Variants in NPSR1 observed in about 807,000 individuals in gnomAD.
NPSR1 encodes neuropeptide S receptor 1.
A neutral mutation model predicts 46.9 loss-of-function variants in NPSR1; 48 were observed. That is an observed-to-expected ratio of 1.02 (90% CI 0.81 to 1.30). The LOEUF is 1.30. NPSR1 is among the 50% of genes most tolerant of loss of function. The probability of loss-of-function intolerance (pLI) is 0.00; values close to 1 mark genes in which losing one functional copy is unlikely to be tolerated. For missense variants in NPSR1, 450 were observed against 449.5 expected, an observed-to-expected ratio of 1.00 and a Z score of -0.01; for synonymous variants, 176 against 168.1, an observed-to-expected ratio of 1.05 and a Z score of -0.36.
In NPSR1 at chr7:34,787,340, G is replaced by A. The variant is rs1787511378; in HGVS notation, c.384+8775G>A. On this transcript the variant is annotated intron_variant, in intron 3 of 8. Transcript: ENST00000360581. ...CTCAGCCTTCATAGAGGTGAAGAGA[G>A]TTTAAGAACTTGTTCTGGATTAGGC... Among the ~76,000 whole-genome samples the A allele has an allele frequency of 2.6e-5, 4 of 152,094 alleles. No homozygotes were observed. In the South Asian group the frequency reaches 8.3e-4, roughly 31 times the overall value.
At chr7:34,773,219 G>T (rs756092581) in intron 2 of NPSR1, among the ~76,000 whole-genome samples, 1 of 152,128 alleles carries the variant, frequency 6.6e-6, no homozygotes, top group East Asian at 1.9e-4. Flanking sequence ...GCACTTTAAA[G>T]GATGGGACCC....
In NPSR1 at chr7:34,663,067, C is replaced by CTCTCTCTCTGTGTGTGTGTG. The variant is rs35826710; in HGVS notation, c.147+4509_147+4510insCTCTCTCTGTGTGTGTGTGT. On this transcript the variant is annotated intron_variant, in intron 1 of 8. Transcript: ENST00000360581. Reference sequence around the variant, plus strand: ...TCTCTCTCTCTCTCTCTCTCTCTCTCTGTGTGTGTGTGTGTATGTGTGTGT... The same window carrying CTCTCTCTCTGTGTGTGTGTG: ...TCTCTCTCTCTCTCTCTCTCTCTCTCTCTCTCTCTGTGTGTGTGTGTGTGTGTGTGTGTGTATGTGTGTGT... 1.6e-3 allele frequency among the ~76,000 whole-genome samples: 164 copies of CTCTCTCTCTGTGTGTGTGTG among 99,412 alleles called. 1 individual carries two copies. Among genetic ancestry groups the CTCTCTCTCTGTGTGTGTGTG allele is most frequent in the African/African-American group, 5.0e-3 (89 of 17,642 alleles). The allele number at this position is 99,412 out of a possible 152,430, so 65.2% of individuals were successfully genotyped here.
At chr7:34,815,606 ACATGTAGT>A (rs1201976533) in intron 4 of NPSR1, among the ~76,000 whole-genome samples, 2 of 151,998 alleles carry the variant, frequency 1.3e-5, no homozygotes, top group Non-Finnish European at 2.9e-5. Flanking sequence ...CAACCCCAAG[ACATGTAGT>A]CAGATTCACC....
chr7:34,799,146 T>A (rs1237153391), intron 3 of NPSR1, among the ~76,000 whole-genome samples: 3 of 152,166 alleles, frequency 2.0e-5, no homozygotes, highest in Non-Finnish European at 4.4e-5. Flanking sequence ...TTAAATTTTC[T>A]CTGCAGAGTA....
chr7:34,790,769 A>T lies in NPSR1; in HGVS notation c.384+12204A>T, dbSNP rs183695535. On this transcript the variant is annotated intron_variant, in intron 3 of 8. Transcript: ENST00000360581. ...ATAATATATGTTATATGTTATATATAATATATGTTATATGTTATATATATG... is the reference window on the plus strand; with the variant it reads ...ATAATATATGTTATATGTTATATATTATATATGTTATATGTTATATATATG... 4.8e-3 allele frequency among the ~76,000 whole-genome samples: 575 copies of T among 118,958 alleles called. 27 individuals carry two copies. The highest frequency in any genetic ancestry group is 0.022 in the Middle Eastern group (4 of 184). 78.0% of individuals were successfully genotyped at this position (118,958 alleles called of 152,430 possible).
chr7:34,788,159 G>A (rs1787549436), intron 3 of NPSR1, among the ~76,000 whole-genome samples: 1 of 151,046 alleles, frequency 6.6e-6, no homozygotes, highest in Non-Finnish European at 1.5e-5. Context: ...TAAAAGTGTA[G>A]AGTTTTTGTG....
intron 2 of NPSR1, among the ~76,000 whole-genome samples, chr7:34,720,153 G>A (rs1033213781): frequency 3.3e-5 from 5 of 151,938 alleles, no homozygotes; most frequent in African/African-American, 7.3e-5. Flanking sequence ...AGTGGTGCAC[G>A]CCTGTAGTCC....
intron 5 of NPSR1, 79 bp downstream of exon 5, chr7:34,827,681 TC>T: frequency 1.1e-6 from 1 of 909,752 alleles, no homozygotes; most frequent in Non-Finnish European, 1.7e-6. Flanking sequence ...GTTGCTCTCC[TC>T]CCCAACAGAC....
At chr7:34,834,308 T>C in intron 5 of NPSR1, 76 bp from the exon 6 acceptor site, 2 of 1,039,862 alleles carry the variant, frequency 1.9e-6, no homozygotes, top group South Asian at 2.6e-5. Flanking sequence ...CTCGGGGAGG[T>C]GGGAGTGGTC....
intron 2 of NPSR1, among the ~76,000 whole-genome samples, chr7:34,703,431 G>C (rs940510484): frequency 2.0e-5 from 3 of 151,576 alleles, no homozygotes; most frequent in Admixed American, 6.6e-5. Context: ...ACTTTAGCCA[G>C]CGCATCAGAG....
At chr7:34,741,627 C>G (rs993521025) in intron 2 of NPSR1, among the ~76,000 whole-genome samples, 2 of 152,114 alleles carry the variant, frequency 1.3e-5, no homozygotes, top group African/African-American at 4.8e-5. Flanking sequence ...CTTCAGGGAC[C>G]CTGGGAATAT....
chr7:34,674,428 G>C (rs1792210739), intron 1 of NPSR1, among the ~76,000 whole-genome samples: 1 of 152,132 alleles, frequency 6.6e-6, no homozygotes, highest in Non-Finnish European at 1.5e-5. Flanking sequence ...CTTTGCACTT[G>C]ATATTGCCAA....
intron 1 of NPSR1, among the ~76,000 whole-genome samples, chr7:34,667,019 C>G (rs1209561589): frequency 2.0e-5 from 3 of 152,122 alleles, no homozygotes; most frequent in Non-Finnish European, 4.4e-5. Context: ...ATACTAAAAC[C>G]ATTCTGAAAA....
chr7:34,814,095 C>T (rs554499885), intron 4 of NPSR1, among the ~76,000 whole-genome samples: 16 of 152,344 alleles, frequency 1.1e-4, no homozygotes, highest in Middle Eastern at 3.4e-3. Context: ...TGAGCCAAAG[C>T]AGGGCAGGGC....
intron 2 of NPSR1, among the ~76,000 whole-genome samples, chr7:34,760,406 T>C (rs1451064285): frequency 1.3e-5 from 2 of 152,176 alleles, no homozygotes; most frequent in Admixed American, 6.5e-5. Flanking sequence ...GGCATTCTTA[T>C]TACAATTTTA....
chr7:34,829,890 G>A (rs1050776090), intron 5 of NPSR1, among the ~76,000 whole-genome samples: 10 of 152,192 alleles, frequency 6.6e-5, no homozygotes, highest in East Asian at 5.8e-4. Flanking sequence ...CTTCCAGCCC[G>A]TGACGGTCAT....
At chr7:34,818,867 T>C (rs1789395936) in intron 4 of NPSR1, among the ~76,000 whole-genome samples, 1 of 152,224 alleles carries the variant, frequency 6.6e-6, no homozygotes, top group Non-Finnish European at 1.5e-5. Flanking sequence ...GCTAGCCATA[T>C]GGAGAAAGCT....
intron 2 of NPSR1, among the ~76,000 whole-genome samples, chr7:34,716,759 C>G (rs1783594450): frequency 1.3e-5 from 2 of 152,142 alleles, no homozygotes; most frequent in African/African-American, 4.8e-5. Flanking sequence ...GGCCACTTCT[C>G]CCCTTTGTAC....
intron 2 of NPSR1, 77 bp downstream of exon 2, chr7:34,684,761 C>CA (rs11290993): frequency 0.033 from 30,405 of 932,040 alleles, 27 homozygotes; most frequent in East Asian, 0.061. Flanking sequence ...TGAATTTTAT[C>CA]AAAAAAAAAA....
Sources: gnomAD v4.1 joint callset for allele counts (sites outside exome capture counted in the v4.1 genomes callset) on GRCh38, gnomAD v4.1.1 for gene constraint, MANE v1.5 for transcripts, NCBI Gene and HGNC (gene_info 2026-07-23, HGNC 2026-07-21) for gene names.